The following ERAP1 variants were observed in gnomAD, a reference collection of about 807,000 sequenced individuals.
The protein encoded by ERAP1 is adipocyte-derived leucine aminopeptidase.
ERAP1 carries 86 observed loss-of-function variants against 103.7 expected under a neutral mutation model. That is an observed-to-expected ratio of 0.83 (90% CI 0.70 to 0.99). The LOEUF (loss-of-function observed/expected upper bound fraction) is 0.99, where lower values mean the gene tolerates loss of function less well. Ranked by LOEUF, ERAP1 falls within the 50% of genes least tolerant of loss-of-function variation. The pLI is 0.00. For synonymous variants in ERAP1, 398 were observed against 402.4 expected (o/e 0.99, Z 0.13); for missense variants, 1,009 against 1,128.4 (o/e 0.89, Z 1.52).
intron 8 of ERAP1, 41 bp from the exon 9 acceptor site, chr5:96,790,684 T>G (rs1388485160): frequency 1.3e-6 from 2 of 1,557,268 alleles, no homozygotes; most frequent in Non-Finnish European, 1.8e-6. Context: ...ATAGTTTCAT[T>G]GCAGTCTCAT....
the ERAP1 span, among the ~76,000 whole-genome samples, chr5:96,865,081 A>T: frequency 6.6e-6 from 1 of 152,204 alleles, no homozygotes; most frequent in Non-Finnish European, 1.5e-5. Flanking sequence ...TTAGCCAATA[A>T]TTAACTACAA....
the ERAP1 span, among the ~76,000 whole-genome samples, chr5:96,841,553 C>T: frequency 1.3e-5 from 2 of 152,186 alleles, no homozygotes; most frequent in African/African-American, 4.8e-5. Flanking sequence ...CCCACAATGC[C>T]CACAAGCATG....
the ERAP1 span, chr5:96,875,983 T>G: frequency 6.6e-6 from 1 of 152,358 alleles, no homozygotes; most frequent in Non-Finnish European, 1.5e-5. Context: ...GAGATGAGCA[T>G]GAGATACAGT....
chr5:96,798,621 C>T (rs1323433256), intron 3 of ERAP1, among the ~76,000 whole-genome samples: 2 of 150,728 alleles, frequency 1.3e-5, no homozygotes, highest in African/African-American at 4.9e-5. Context: ...TGCTATGTTG[C>T]CCTGGCTGGT....
chr5:96,844,673 T>C, the ERAP1 span, among the ~76,000 whole-genome samples: 11 of 152,198 alleles, frequency 7.2e-5, no homozygotes, highest in African/African-American at 2.7e-4. Flanking sequence ...AACCAGATGG[T>C]AGCTCCAGGG....
the ERAP1 span, among the ~76,000 whole-genome samples, chr5:96,856,365 T>G: frequency 1.6e-3 from 33 of 20,380 alleles, 2 homozygotes; most frequent in African/African-American, 3.7e-3. Context: ...TATATATATA[T>G]AGAGAGAGAG....
At chr5:96,934,440 T>C in the ERAP1 span, 1 of 152,220 alleles carries the variant, frequency 6.6e-6, no homozygotes, top group East Asian at 1.9e-4. Context: ...TTATTAACAA[T>C]GATGGATGGA....
the ERAP1 span, chr5:96,823,207 C>T: frequency 6.3e-5 from 28 of 445,732 alleles, no homozygotes; most frequent in East Asian, 2.0e-3. Context: ...CATACACATC[C>T]TGTCACCTTT....
At chr5:96,823,894 C>G in the ERAP1 span, among the ~76,000 whole-genome samples, 1 of 152,172 alleles carries the variant, frequency 6.6e-6, no homozygotes, top group Non-Finnish European at 1.5e-5. Flanking sequence ...TGCTTTGAGG[C>G]TGTTATTAAG....
the ERAP1 span, among the ~76,000 whole-genome samples, chr5:96,817,503 A>G: frequency 5.3e-5 from 8 of 152,270 alleles, no homozygotes; most frequent in South Asian, 1.7e-3. Flanking sequence ...ATGTTGTGTC[A>G]GGGTTCAATG....
chr5:96,887,141 T>G, the ERAP1 span, among the ~76,000 whole-genome samples: 1 of 149,006 alleles, frequency 6.7e-6, no homozygotes, highest in Admixed American at 6.7e-5. Flanking sequence ...ATATATACCC[T>G]TTGCAAAATA....
intron 1 of ERAP1, 45 bp downstream of exon 1, chr5:96,807,815 C>T (rs1043259578): frequency 6.1e-6 from 6 of 984,396 alleles, no homozygotes; most frequent in Non-Finnish European, 7.2e-6. Context: ...GCCGCGCTCT[C>T]CTCCCGGCCC....
chr5:96,847,017 T>G, the ERAP1 span, among the ~76,000 whole-genome samples: 1 of 151,404 alleles, frequency 6.6e-6, no homozygotes, highest in East Asian at 1.9e-4. Flanking sequence ...GATGGATGGA[T>G]TGCCTGAGCT....
At chr5:96,862,412 C>T in the ERAP1 span, among the ~76,000 whole-genome samples, 11 of 152,302 alleles carry the variant, frequency 7.2e-5, no homozygotes, top group East Asian at 1.5e-3. Context: ...AATAAATAAA[C>T]TTGCCTTCTT....
the ERAP1 span, chr5:96,900,002 T>C: frequency 7.5e-6 from 9 of 1,198,594 alleles, no homozygotes; most frequent in South Asian, 1.3e-4. Context: ...TTCATTATCA[T>C]GTCTGGATGA....
At chr5:96,931,756 T>C in the ERAP1 span, among the ~76,000 whole-genome samples, 1 of 152,214 alleles carries the variant, frequency 6.6e-6, no homozygotes, top group Non-Finnish European at 1.5e-5. Context: ...GTAAGTTCCT[T>C]CTTCCTCCCC....
the ERAP1 span, among the ~76,000 whole-genome samples, chr5:96,874,180 A>AAGAAAGAAAGAAAGAAAGAAAGAAAG: frequency 1.6e-4 from 13 of 82,304 alleles, no homozygotes; most frequent in East Asian, 1.0e-3. Context: ...GAAAGAAAGA[A>AAGAAAGAAAGAAAGAAAGAAAGAAAG]AGAGAGAGAG....
At chr5:96,845,551 T>C in the ERAP1 span, among the ~76,000 whole-genome samples, 1 of 152,224 alleles carries the variant, frequency 6.6e-6, no homozygotes, top group East Asian at 1.9e-4. Flanking sequence ...TTATTAATTA[T>C]ATGTATATAA....
chr5:96,781,900 A>G (rs1775228957), intron 15 of ERAP1, 46 bp from the exon 16 acceptor site: 1 of 1,596,260 alleles, frequency 6.3e-7, no homozygotes, highest in Non-Finnish European at 8.6e-7. Flanking sequence ...TGCAGTAAGT[A>G]TGTTTAGAGG....
Sources: gnomAD v4.1 joint callset for allele counts (sites outside exome capture counted in the v4.1 genomes callset) on GRCh38, gnomAD v4.1.1 for gene constraint, MANE v1.5 for transcripts, NCBI Gene and HGNC (gene_info 2026-07-23, HGNC 2026-07-21) for gene names.